CCDC68: variants seen among roughly 807,000 people sequenced by gnomAD.
The protein encoded by CCDC68 is coiled-coil domain containing 68.
Under a neutral mutation model 47.1 loss-of-function variants are expected in CCDC68, and 45 were observed. That is an observed-to-expected ratio of 0.96 (90% CI 0.75 to 1.23). CCDC68 has a LOEUF of 1.23. Ranked by LOEUF, CCDC68 falls within the 50% of genes most tolerant of loss-of-function variation. The probability of loss-of-function intolerance (pLI) is 0.00; values close to 1 mark genes in which losing one functional copy is unlikely to be tolerated. For missense variants in CCDC68, 353 were observed against 373.6 expected, an observed-to-expected ratio of 0.94 and a Z score of 0.45; for synonymous variants, 131 against 129.5, an observed-to-expected ratio of 1.01 and a Z score of -0.08.
intron 2 of CCDC68, among the ~76,000 whole-genome samples, chr18:54,944,178 C>T (rs1276910157): frequency 6.6e-6 from 1 of 152,060 alleles, no homozygotes; most frequent in Non-Finnish European, 1.5e-5. Context: ...TCCCTCACGG[C>T]CAGACTGTGG....
intron 8 of CCDC68, among the ~76,000 whole-genome samples, chr18:54,925,301 T>G (rs539211706): frequency 2.4e-4 from 36 of 152,312 alleles, no homozygotes; most frequent in African/African-American, 8.4e-4. Context: ...ATTTAAGTAA[T>G]CATATTATAT....
At chr18:54,911,919 T>C (rs1277131781) in intron 10 of CCDC68, among the ~76,000 whole-genome samples, 1 of 152,246 alleles carries the variant, frequency 6.6e-6, no homozygotes, top group Non-Finnish European at 1.5e-5. Context: ...GATTTAGGCA[T>C]TTAGTCTTGA....
chr18:54,919,189 A>G, intron 9 of CCDC68, 82 bp downstream of exon 9: 1 of 1,048,302 alleles, frequency 9.5e-7, no homozygotes, highest in Non-Finnish European at 1.5e-6. Flanking sequence ...CATTGCTTCA[A>G]AAGTCCAGTC....
intron 10 of CCDC68, among the ~76,000 whole-genome samples, chr18:54,916,033 T>C (rs1444218432): frequency 6.6e-6 from 1 of 152,198 alleles, no homozygotes; most frequent in Non-Finnish European, 1.5e-5. Context: ...TAAGAAAGGC[T>C]GTGAAGAAAT....
At chr18:54,950,328 T>C (rs1382497338) in intron 1 of CCDC68, among the ~76,000 whole-genome samples, 3 of 152,200 alleles carry the variant, frequency 2.0e-5, no homozygotes, top group Non-Finnish European at 4.4e-5. Context: ...TAGCGAACGT[T>C]ATCTCCAAAC....
intron 10 of CCDC68, among the ~76,000 whole-genome samples, chr18:54,911,436 T>G (rs1914360899): frequency 6.6e-6 from 1 of 152,170 alleles, no homozygotes; most frequent in Non-Finnish European, 1.5e-5. Context: ...TCTTCTTAGC[T>G]CCCAGCATTT....
chr18:54,913,759 G>T (rs1273369767), intron 10 of CCDC68, among the ~76,000 whole-genome samples: 2 of 152,124 alleles, frequency 1.3e-5, no homozygotes, highest in Non-Finnish European at 2.9e-5. Context: ...GCTGCAGTGA[G>T]CCATGATCAT....
intron 6 of CCDC68, 137 bp downstream of exon 6, chr18:54,936,696 C>A: frequency 9.6e-7 from 1 of 1,046,196 alleles, no homozygotes; most frequent in Non-Finnish European, 1.4e-6. Flanking sequence ...AAGAGACAAG[C>A]ACACCGCTTC....
chr18:54,959,421 G>C lies in CCDC68; in HGVS notation c.-188C>G, dbSNP rs1473969617. The C allele has an allele frequency of 6.6e-6, 1 of 152,038 alleles. No individual in the cohort carries two copies. Among genetic ancestry groups the C allele is most frequent in the Non-Finnish European group, 1.5e-5 (1 of 68,008 alleles). The allele number at this position is 152,038 out of a possible 1,614,324, so 9.4% of individuals were successfully genotyped here. On this transcript the variant is annotated 5_prime_UTR_variant, in exon 1 of 12. Coordinates refer to ENST00000591504, the MANE Select transcript of CCDC68 (RefSeq NM_025214.3). ...CTTGGGGCCAGGGTCGGCTGCCAGG[G>C]CCCTGCGAGTGCAGCCGCCACCGCC... is the stretch of plus-strand genomic sequence containing the variant.
chr18:54,931,982 T>G (rs2044272303), intron 7 of CCDC68, among the ~76,000 whole-genome samples: 1 of 152,292 alleles, frequency 6.6e-6, no homozygotes, highest in Middle Eastern at 3.4e-3. Flanking sequence ...TTTTACTTTC[T>G]TTTTGAACTT....
At chr18:54,929,189 A>G (rs901448925) in intron 7 of CCDC68, among the ~76,000 whole-genome samples, 1 of 152,102 alleles carries the variant, frequency 6.6e-6, no homozygotes, top group Non-Finnish European at 1.5e-5. Context: ...ATCCTACCAC[A>G]TGTAAACATC....
intron 7 of CCDC68, among the ~76,000 whole-genome samples, chr18:54,931,468 C>G (rs2044260002): frequency 6.6e-6 from 1 of 152,104 alleles, no homozygotes. Context: ...GTTTTGGAAC[C>G]AAGTCTATCA....
At chr18:54,951,827 C>T (rs1426930563) in intron 1 of CCDC68, among the ~76,000 whole-genome samples, 1 of 152,174 alleles carries the variant, frequency 6.6e-6, no homozygotes, top group East Asian at 1.9e-4. Flanking sequence ...GATTTGGACT[C>T]AGTTGTTCTG....
At chr18:54,938,155 C>A in intron 4 of CCDC68, 58 bp from the exon 5 acceptor site, 3 of 1,530,816 alleles carry the variant, frequency 2.0e-6, no homozygotes, top group South Asian at 2.6e-5. Flanking sequence ...CAAACTTTGA[C>A]AACAATAATG....
rs994670303 is a variant in CCDC68, at chr18:54,950,788, G to GTGTATATATATATATATATATATA, written c.-102-5312_-102-5311insTATATATATATATATATATATACA. On this transcript the variant is annotated intron_variant, in intron 1 of 11. Transcript: ENST00000591504. The stretch of plus-strand genomic sequence containing the variant: ...CTGTGTTATTGTTATTATCTTCAGT[G>GTGTATATATATATATATATATATA]TATATATATATATATGATGCAATAA... Among the ~76,000 whole-genome samples, 38 of 97,328 alleles carry GTGTATATATATATATATATATATA rather than the reference G, an allele frequency of 3.9e-4. 1 individual carries two copies. The highest frequency in any genetic ancestry group is 1.5e-3 in the Admixed American group (14 of 9,246). 63.9% of individuals were successfully genotyped at this position (97,328 alleles called of 152,430 possible). A position where few individuals can be genotyped will look rare whatever the true frequency, so the allele number is the denominator to read the frequency against.
chr18:54,913,370 C>G (rs2145391583), intron 10 of CCDC68, among the ~76,000 whole-genome samples: 1 of 152,310 alleles, frequency 6.6e-6, no homozygotes, highest in African/African-American at 2.4e-5. Context: ...TAAACTGAAT[C>G]AGTTCCTCCT....
At chr18:54,916,773 C>T (rs1599034856) in intron 10 of CCDC68, among the ~76,000 whole-genome samples, 1 of 152,296 alleles carries the variant, frequency 6.6e-6, no homozygotes, top group East Asian at 1.9e-4. Flanking sequence ...GGCTCTGTGT[C>T]CTCACCCAAA....
Position 54,904,348 on chromosome 18 carries a change from T to G in CCDC68, c.*10A>C, listed in dbSNP as rs377604532. 233 of 1,606,268 alleles carry G rather than the reference T, an allele frequency of 1.5e-4. 3 individuals are homozygous for G. The South Asian group carries it at 2.3e-3, about 16-fold the overall frequency. On this transcript the variant is annotated 3_prime_UTR_variant, in exon 12 of 12. Coordinates refer to ENST00000591504, the MANE Select transcript of CCDC68 (RefSeq NM_025214.3). ...GCAGTCTTTCTAAATCAGATCTTCATCCAGCCAGTTCATTTCCGTAACCTA... is the reference window on the plus strand; with the variant it reads ...GCAGTCTTTCTAAATCAGATCTTCAGCCAGCCAGTTCATTTCCGTAACCTA...
At chr18:54,917,226 A>G (rs898479924) in intron 10 of CCDC68, among the ~76,000 whole-genome samples, 10 of 152,234 alleles carry the variant, frequency 6.6e-5, no homozygotes, top group Non-Finnish European at 1.3e-4. Flanking sequence ...CAATTATAAC[A>G]GGCTTCTAGA....
Sources: allele counts gnomAD v4.1 joint callset (sites outside exome capture counted in the v4.1 genomes callset), GRCh38; gene constraint gnomAD v4.1.1; transcripts MANE v1.5; gene names NCBI Gene and HGNC (gene_info 2026-07-23, HGNC 2026-07-21).